MINDY3: variants seen among roughly 807,000 people sequenced by gnomAD.
MINDY3 encodes the protein ubiquitin carboxyl-terminal hydrolase MINDY-3.
A neutral mutation model predicts 69.2 loss-of-function variants in MINDY3; 38 were observed. The ratio of observed to expected loss-of-function variants is 0.55; its 90% CI spans 0.42 to 0.72. The LOEUF (loss-of-function observed/expected upper bound fraction) is 0.72, where lower values mean the gene tolerates loss of function less well. Among genes scored for constraint, MINDY3 ranks in the 30% least tolerant of loss-of-function variants. The pLI, the probability that MINDY3 is intolerant of heterozygous loss-of-function variation, is 0.00. For missense variants in MINDY3, 522 were observed against 519.0 expected (o/e 1.01, Z -0.06); for synonymous variants, 192 against 180.1 (o/e 1.07, Z -0.53).
rs189717872 is a variant in MINDY3, at chr10:15,839,826, C to T, written c.410-1547G>A. Among the ~76,000 whole-genome samples, 339 of 151,700 alleles carry T rather than the reference C, an allele frequency of 2.2e-3. 2 individuals carry two copies. Among genetic ancestry groups the T allele is most frequent in the African/African-American group, 6.8e-3 (283 of 41,520 alleles). On this transcript the variant is annotated intron_variant, in intron 4 of 14. Coordinates refer to ENST00000277632, the MANE Select transcript of MINDY3 (RefSeq NM_024948.4). ...AAAAAATTTAAAATATGGTTTACTT[C>T]ATGGCAACTTTTAAAATGAGATACA...
intron 1 of MINDY3, among the ~76,000 whole-genome samples, chr10:15,850,339 G>A (rs370238576): frequency 6.6e-6 from 1 of 152,198 alleles, no homozygotes; most frequent in African/African-American, 2.4e-5. Flanking sequence ...GCAGTGTTCA[G>A]GGAACAAGGG....
At chr10:15,845,307 G>A (rs781230882) in intron 2 of MINDY3, among the ~76,000 whole-genome samples, 1 of 152,010 alleles carries the variant, frequency 6.6e-6, no homozygotes, top group Non-Finnish European at 1.5e-5. Context: ...AGGTAATGAG[G>A]TCTATGATTG....
At chr10:15,859,567 G>A (rs1834939092) in intron 1 of MINDY3, among the ~76,000 whole-genome samples, 1 of 152,122 alleles carries the variant, frequency 6.6e-6, no homozygotes, top group African/African-American at 2.4e-5. Flanking sequence ...AGTCCTGTCT[G>A]GGTTACAAGC....
intron 10 of MINDY3, among the ~76,000 whole-genome samples, chr10:15,810,676 C>G (rs1383512572): frequency 6.6e-6 from 1 of 152,078 alleles, no homozygotes; most frequent in Non-Finnish European, 1.5e-5. Context: ...CATTGAGCAC[C>G]TACACTATGC....
chr10:15,783,060 G>C (rs1836669466), intron 13 of MINDY3, among the ~76,000 whole-genome samples: 1 of 152,086 alleles, frequency 6.6e-6, no homozygotes, highest in African/African-American at 2.4e-5. Context: ...GCCCTCCTTA[G>C]AATTTTTTCC....
At chr10:15,784,805 T>C (rs1157461759) in intron 13 of MINDY3, among the ~76,000 whole-genome samples, 2 of 152,150 alleles carry the variant, frequency 1.3e-5, no homozygotes, top group Non-Finnish European at 2.9e-5. Flanking sequence ...ATGTGACTAA[T>C]TGCCAAAAGG....
At chr10:15,815,672 T>A (rs1373973380) in intron 10 of MINDY3, among the ~76,000 whole-genome samples, 1 of 152,154 alleles carries the variant, frequency 6.6e-6, no homozygotes, top group Admixed American at 6.5e-5. Context: ...AAAATGATGA[T>A]GATGATGATG....
At chr10:15,838,192 C>T in intron 5 of MINDY3, 36 bp downstream of exon 5, 1 of 1,579,410 alleles carries the variant, frequency 6.3e-7, no homozygotes, top group African/African-American at 1.4e-5. Context: ...AATGTGTCCA[C>T]AGAGTAAGTA....
intron 9 of MINDY3, 29 bp from the exon 10 acceptor site, chr10:15,816,944 A>T (rs1429804614): frequency 6.5e-7 from 1 of 1,536,212 alleles, no homozygotes; most frequent in Middle Eastern, 1.7e-4. Context: ...AATAAAACAA[A>T]TAAACAAATT....
chr10:15,812,609 A>G (rs1307604777), intron 10 of MINDY3, among the ~76,000 whole-genome samples: 1 of 152,208 alleles, frequency 6.6e-6, no homozygotes, highest in Non-Finnish European at 1.5e-5. Flanking sequence ...ATCAGTCTAC[A>G]TAACAGATTG....
At chr10:15,799,316 A>G (rs954273705) in intron 10 of MINDY3, among the ~76,000 whole-genome samples, 12 of 152,024 alleles carry the variant, frequency 7.9e-5, no homozygotes, top group African/African-American at 2.7e-4. Context: ...TCTCTGCCCC[A>G]GCCTCCCTAG....
At chr10:15,830,739 C>A (rs1840398986) in intron 8 of MINDY3, among the ~76,000 whole-genome samples, 1 of 152,158 alleles carries the variant, frequency 6.6e-6, no homozygotes, top group Admixed American at 6.5e-5. Context: ...AGGAAAAAGG[C>A]TACGATTTTC....
In MINDY3 at chr10:15,816,882, T is replaced by C. The variant is rs759060381; in HGVS notation, c.835A>G (p.Ile279Val). The change falls in exon 10 of 15, where the codon ATT becomes GTT. Residue 279 changes from isoleucine (I) to valine (V), a missense_variant. By Grantham distance (29) the Ile-to-Val change is conservative (BLOSUM62 3). Coordinates refer to ENST00000277632, the MANE Select transcript of MINDY3 (RefSeq NM_024948.4). Reference protein sequence around the residue: ...GSYLKSPKFPIWIVGSETHLT... With the variant: ...GSYLKSPKFPVWIVGSETHLT... Reference sequence around the variant, plus strand: ...TGAGTCTCACTGCCAACAATCCAAATAGGGAATTTTGGAGATTTCAAGTAA... The same window carrying C: ...TGAGTCTCACTGCCAACAATCCAAACAGGGAATTTTGGAGATTTCAAGTAA... 2 of 1,613,106 alleles carry C rather than the reference T, an allele frequency of 1.2e-6. No homozygotes were observed. The highest frequency in any genetic ancestry group is 1.7e-6 in the Non-Finnish European group (2 of 1,179,444).
chr10:15,819,302 C>T (rs534939926), intron 9 of MINDY3, among the ~76,000 whole-genome samples: 2 of 152,244 alleles, frequency 1.3e-5, no homozygotes, highest in South Asian at 4.1e-4. Context: ...AAAATATACA[C>T]AGAATTTGAG....
chr10:15,840,235 T>C (rs1019571084), intron 4 of MINDY3, among the ~76,000 whole-genome samples: 4 of 151,714 alleles, frequency 2.6e-5, no homozygotes, highest in Non-Finnish European at 4.4e-5. Flanking sequence ...AAAACCAATC[T>C]TAGTGACACT....
At chr10:15,829,876 G>C (rs942085726) in intron 8 of MINDY3, among the ~76,000 whole-genome samples, 9 of 152,152 alleles carry the variant, frequency 5.9e-5, no homozygotes, top group African/African-American at 2.2e-4. Flanking sequence ...CCGAGGCTCA[G>C]ATAATTTAGC....
intron 11 of MINDY3, among the ~76,000 whole-genome samples, chr10:15,789,890 TGAC>T (rs1415223937): frequency 3.3e-5 from 5 of 152,138 alleles, no homozygotes; most frequent in Admixed American, 6.6e-5. Context: ...ATGCTGATGA[TGAC>T]TACTTTATGG....
intron 1 of MINDY3, among the ~76,000 whole-genome samples, chr10:15,857,558 T>C (rs1396290718): frequency 2.0e-5 from 3 of 152,074 alleles, no homozygotes; most frequent in South Asian, 4.1e-4. Flanking sequence ...AAAAGTACTA[T>C]AGGCAATTGA....
intron 10 of MINDY3, among the ~76,000 whole-genome samples, chr10:15,799,206 A>ATTTAT (rs1484685095): frequency 6.6e-6 from 1 of 151,776 alleles, no homozygotes; most frequent in Non-Finnish European, 1.5e-5. Context: ...TCTAACATTT[A>ATTTAT]TTTATTTTTT....
Sources: gnomAD v4.1 joint callset for allele counts (sites outside exome capture counted in the v4.1 genomes callset) on GRCh38, gnomAD v4.1.1 for gene constraint, MANE v1.5 for transcripts, NCBI Gene and HGNC (gene_info 2026-07-23, HGNC 2026-07-21) for gene names.